The following MAST2 variants were observed in gnomAD, a reference collection of about 807,000 sequenced individuals.
MAST2 encodes microtubule-associated serine/threonine-protein kinase 2.
Under a neutral mutation model 147.4 loss-of-function variants are expected in MAST2, and 70 were observed. The observed-to-expected ratio is 0.47, with a 90% confidence interval of 0.39 to 0.58. The LOEUF (loss-of-function observed/expected upper bound fraction) is 0.58. Ranked by LOEUF, MAST2 falls within the 20% of genes least tolerant of loss-of-function variation. The pLI is 0.00. For synonymous variants in MAST2, 869 were observed against 896.8 expected (o/e 0.97, Z 0.55); for missense variants, 2,080 against 2,302.3 (o/e 0.90, Z 1.98).
intron 5 of MAST2, among the ~76,000 whole-genome samples, chr1:45,988,944 C>T (rs1557433031): frequency 6.6e-6 from 1 of 152,082 alleles, no homozygotes; most frequent in Non-Finnish European, 1.5e-5. Context: ...AGCCGTTTCT[C>T]CAAGAGGTCT....
intron 3 of MAST2, among the ~76,000 whole-genome samples, chr1:45,869,405 C>T (rs1424426335): frequency 1.3e-5 from 2 of 152,146 alleles, no homozygotes; most frequent in Non-Finnish European, 2.9e-5. Context: ...CCCTTGATCA[C>T]CTCTGAATTA....
chr1:45,947,739 C>T (rs1344357930), intron 4 of MAST2, among the ~76,000 whole-genome samples: 6 of 152,154 alleles, frequency 3.9e-5, no homozygotes, highest in Admixed American at 6.5e-5. Flanking sequence ...TTTTTTGAGA[C>T]GGAGTCTCGC....
At chr1:46,009,274 G>C (rs1045590312) in intron 9 of MAST2, among the ~76,000 whole-genome samples, 2 of 152,064 alleles carry the variant, frequency 1.3e-5, no homozygotes, top group Admixed American at 1.3e-4. Flanking sequence ...GGCTGGTCTC[G>C]AAATCCTGAC....
intron 9 of MAST2, 41 bp downstream of exon 9, chr1:46,008,412 G>A: frequency 7.1e-7 from 1 of 1,415,524 alleles, no homozygotes; most frequent in Non-Finnish European, 1.0e-6. Context: ...TACCCCTCCG[G>A]GTGGCTGCCT....
chr1:45,928,252 A>G (rs1482539500), intron 4 of MAST2, among the ~76,000 whole-genome samples: 2 of 152,202 alleles, frequency 1.3e-5, no homozygotes, highest in Non-Finnish European at 2.9e-5. Flanking sequence ...TCATCTATAC[A>G]TATTTGTATC....
chr1:46,027,864 G>T lies in MAST2; in HGVS notation c.2052+1G>T. ...TGCCCGGGAATTCCTGGACAAGCAG[G>T]TAAGGAAGGGTAGTTGATACACTGG... On this transcript the variant is annotated splice_donor_variant, in intron 17 of 28. Transcript: ENST00000361297. LOFTEE classifies it high-confidence loss of function. 6.2e-7 allele frequency: 1 copy of T among 1,614,020 alleles called. No individual in the cohort carries two copies. The highest frequency in any genetic ancestry group is 1.7e-5 in the Admixed American group (1 of 60,020).
chr1:45,890,672 G>C lies in MAST2; in HGVS notation c.500+8277G>C, dbSNP rs529893476. The stretch of plus-strand genomic sequence containing the variant: ...GGTAAAAGCTTTAACATGAATTTTG[G>C]GGAGACACAGTTTAGTCCATAGCAG... On this transcript the variant is annotated intron_variant, in intron 4 of 28. Coordinates refer to ENST00000361297, the MANE Select transcript of MAST2 (RefSeq NM_015112.3). Among the ~76,000 whole-genome samples the C allele has an allele frequency of 1.3e-3, 204 of 152,162 alleles. 1 individual carries two copies. Among genetic ancestry groups the C allele is most frequent in the Middle Eastern group, 3.4e-3 (1 of 294 alleles).
At chr1:46,030,865 AG>A in intron 22 of MAST2, 104 bp downstream of exon 22, 2 of 1,473,052 alleles carry the variant, frequency 1.4e-6, no homozygotes, top group South Asian at 2.8e-5. Flanking sequence ...GGTGGCAGGG[AG>A]GGGGCATTCA....
At chr1:46,016,768 C>G (rs1367490647) in intron 10 of MAST2, among the ~76,000 whole-genome samples, 1 of 152,178 alleles carries the variant, frequency 6.6e-6, no homozygotes, top group Non-Finnish European at 1.5e-5. Context: ...TTTATAGATT[C>G]AACACCATCC....
intron 3 of MAST2, among the ~76,000 whole-genome samples, chr1:45,869,523 A>G (rs1217094379): frequency 6.6e-6 from 1 of 152,212 alleles, no homozygotes; most frequent in African/African-American, 2.4e-5. Context: ...AGAAAAATCA[A>G]CCAACATAGT....
At chr1:45,832,648 A>G (rs1351603873) in intron 3 of MAST2, among the ~76,000 whole-genome samples, 2 of 152,176 alleles carry the variant, frequency 1.3e-5, no homozygotes, top group African/African-American at 4.8e-5. Context: ...TTTGAGAACT[A>G]CTGCCACCAT....
chr1:45,907,406 T>A (rs1650939616), intron 4 of MAST2, among the ~76,000 whole-genome samples: 1 of 152,186 alleles, frequency 6.6e-6, no homozygotes, highest in South Asian at 2.1e-4. Flanking sequence ...TTGAATTAAT[T>A]TCTTTAAAGT....
chr1:45,934,155 G>A (rs192114698), intron 4 of MAST2, among the ~76,000 whole-genome samples: 1 of 152,148 alleles, frequency 6.6e-6, no homozygotes, highest in Non-Finnish European at 1.5e-5. Flanking sequence ...CCACTTATAG[G>A]TGAGAACATG....
intron 3 of MAST2, among the ~76,000 whole-genome samples, chr1:45,830,644 T>C (rs1644928118): frequency 6.6e-6 from 1 of 152,174 alleles, no homozygotes; most frequent in South Asian, 2.1e-4. Flanking sequence ...GTTGTGCTGC[T>C]TTGGTTTACA....
intron 4 of MAST2, chr1:45,913,712 G>T: frequency 2.0e-6 from 2 of 1,016,024 alleles, no homozygotes; most frequent in Non-Finnish European, 2.4e-6. Flanking sequence ...TTTAATTTTT[G>T]CCGTAAGTTT....
intron 5 of MAST2, among the ~76,000 whole-genome samples, chr1:45,975,816 T>TC (rs967343613): frequency 6.6e-6 from 1 of 151,202 alleles, no homozygotes; most frequent in African/African-American, 2.4e-5. Context: ...GTATGAGGAG[T>TC]CCATGGCATG....
intron 5 of MAST2, among the ~76,000 whole-genome samples, chr1:45,967,374 A>G (rs1661388705): frequency 6.6e-6 from 1 of 152,154 alleles, no homozygotes; most frequent in South Asian, 2.1e-4. Flanking sequence ...CTGGCCTTGC[A>G]TATAACTTTT....
At chr1:45,807,601 G>A (rs976019506) in intron 1 of MAST2, among the ~76,000 whole-genome samples, 19 of 151,704 alleles carry the variant, frequency 1.3e-4, no homozygotes, top group Non-Finnish European at 2.6e-4. Context: ...GAGTGCAGTG[G>A]TGGGACCTCA....
intron 3 of MAST2, among the ~76,000 whole-genome samples, chr1:45,832,448 C>A (rs968976525): frequency 2.0e-5 from 3 of 151,948 alleles, no homozygotes; most frequent in Non-Finnish European, 4.4e-5. Flanking sequence ...ATGTGTGCCA[C>A]CTCACCTGGC....
Sources: gnomAD v4.1 joint callset for allele counts (sites outside exome capture counted in the v4.1 genomes callset) on GRCh38, gnomAD v4.1.1 for gene constraint, MANE v1.5 for transcripts, NCBI Gene and HGNC (gene_info 2026-07-23, HGNC 2026-07-21) for gene names.